Variants in ZNF282 observed in about 807,000 individuals in gnomAD.
ZNF282 encodes zinc finger protein 282, also known as HTLV-I U5 repressive element-binding protein 1.
ZNF282 carries 30 observed loss-of-function variants against 61.9 expected under a neutral mutation model. The ratio of observed to expected loss-of-function variants is 0.48; its 90% CI spans 0.36 to 0.66. ZNF282 has a LOEUF of 0.66. Ranked by LOEUF, ZNF282 falls within the 30% of genes least tolerant of loss-of-function variation. ZNF282 has a pLI of 0.00. For missense variants in ZNF282, 788 were observed against 941.4 expected (o/e 0.84, Z 2.13); for synonymous variants, 396 against 405.0 (o/e 0.98, Z 0.27).
chr7:149,218,611 T>C (rs554725860), intron 7 of ZNF282, among the ~76,000 whole-genome samples: 1 of 152,064 alleles, frequency 6.6e-6, no homozygotes, highest in Admixed American at 6.5e-5. Flanking sequence ...TTGCAGTGAC[T>C]TCCAACATCA....
chr7:149,205,861 C>G (rs181517159), intron 2 of ZNF282, among the ~76,000 whole-genome samples: 1 of 152,018 alleles, frequency 6.6e-6, no homozygotes, highest in East Asian at 1.9e-4. Context: ...GATTTCAGAC[C>G]GAGAGTGAAA....
chr7:149,198,327 A>C lies in ZNF282; in HGVS notation c.166-6A>C, dbSNP rs1177590619. The C allele has an allele frequency of 1.3e-6, 2 of 1,598,146 alleles. No homozygotes were observed. The highest frequency in any genetic ancestry group is 1.3e-5 in the African/African-American group (1 of 74,670). On this transcript the variant is annotated splice_region_variant and splice_polypyrimidine_tract_variant and intron_variant, in intron 1 of 7. Transcript: ENST00000610704. The surrounding 1 kb of genome is among the most constrained non-coding windows in gnomAD (Gnocchi z 4.3). ...CTGGGTTGTCGCTTTCTCCCTCTGC[A>C]TACAGGCTCAAGAATGGGACATGGA...
chr7:149,210,965 A>T (rs190845731), intron 5 of ZNF282, among the ~76,000 whole-genome samples: 5 of 152,326 alleles, frequency 3.3e-5, no homozygotes, highest in African/African-American at 1.2e-4. Flanking sequence ...ATCCGTTTGT[A>T]ACTATTCCAT....
intron 4 of ZNF282, among the ~76,000 whole-genome samples, chr7:149,209,363 TCTTTTACCACCCCCCGCCC>T (rs1213259307): frequency 6.6e-6 from 1 of 151,836 alleles, no homozygotes; most frequent in Non-Finnish European, 1.5e-5. Flanking sequence ...TTCCCTGCTC[TCTTTTACCACCCCCCGCCC>T]CTGGGAACCA....
At position 149,213,786 on chromosome 7, in the gene ZNF282, C is replaced by G. The variant is rs202186203; in HGVS notation, c.1152C>G (p.Asp384Glu). 6.2e-7 allele frequency: 1 copy of G among 1,613,866 alleles called. No individual in the cohort carries two copies. Among genetic ancestry groups the G allele is most frequent in the Non-Finnish European group, 8.5e-7 (1 of 1,179,892 alleles). The change falls in exon 7 of 8, where the codon GAC (aspartate) becomes GAG (glutamate). Residue 384 changes from aspartate to glutamate, a missense_variant. Coordinates refer to ENST00000610704, the MANE Select transcript of ZNF282 (RefSeq NM_003575.4). ...CATGGGGACCACGCGACTCAATGGA[C>G]GGAGAGCTTGGATTAGACTCTGGCC... ...PYPWGPRDSM[D>E]GELGLDSGPS...
chr7:149,201,775 C>T (rs1461263840), intron 2 of ZNF282, among the ~76,000 whole-genome samples: 1 of 152,034 alleles, frequency 6.6e-6, no homozygotes, highest in Non-Finnish European at 1.5e-5. Context: ...AAAACACCTC[C>T]CAAATGGCTT....
Position 149,224,360 on chromosome 7 carries a change from T to G in ZNF282, c.1729T>G (p.Ser577Ala). ...THRGERPYKC[S>A]ECEKTYSRKE... is the part of the protein sequence containing the mutation. ...CCGCGGCGAGCGGCCCTACAAGTGC[T>G]CGGAGTGCGAGAAGACCTACAGCCG... The change falls in exon 8 of 8, where the codon TCG (serine) becomes GCG (alanine). Residue 577 changes from serine to alanine, a missense_variant. Around this residue, in one of 3 missense-constraint regions of ZNF282, gnomAD observed 559 missense variants for 642.0 expected, o/e 0.87. Transcript: ENST00000610704. 1 of 1,613,098 alleles carries G rather than the reference T, an allele frequency of 6.2e-7. No homozygotes were observed. The highest frequency in any genetic ancestry group is 1.1e-5 in the South Asian group (1 of 91,048).
At chr7:149,197,394 C>T (rs549550890) in intron 1 of ZNF282, among the ~76,000 whole-genome samples, 35 of 152,358 alleles carry the variant, frequency 2.3e-4, no homozygotes, top group African/African-American at 7.2e-4. Flanking sequence ...TGGGGGGAAG[C>T]TGCTTTTCTG....
rs1156469271 is a variant in ZNF282, at chr7:149,224,977, G to T, written c.*330G>T. 11 of 343,666 alleles carry T rather than the reference G, an allele frequency of 3.2e-5. No homozygotes were observed. The highest frequency in any genetic ancestry group is 8.5e-4 in the Middle Eastern group (1 of 1,170). 21.3% of individuals were successfully genotyped at this position (343,666 alleles called of 1,614,324 possible). Reference sequence around the variant, plus strand: ...TCAGGGGAAGCCACCAGGGAGTCCCGAAGCCCTTCTGAGATCAGGAAATCA... The same window carrying T: ...TCAGGGGAAGCCACCAGGGAGTCCCTAAGCCCTTCTGAGATCAGGAAATCA... On this transcript the variant is annotated 3_prime_UTR_variant, in exon 8 of 8. Transcript: ENST00000610704.
intron 2 of ZNF282, among the ~76,000 whole-genome samples, chr7:149,202,220 C>T (rs890792983): frequency 8.7e-5 from 13 of 149,300 alleles, no homozygotes; most frequent in Non-Finnish European, 1.5e-4. Flanking sequence ...TCTCGGCTCA[C>T]TGCAACTTCT....
At chr7:149,196,033 C>G (rs2129522876) in intron 1 of ZNF282, among the ~76,000 whole-genome samples, 1 of 151,840 alleles carries the variant, frequency 6.6e-6, no homozygotes, top group East Asian at 1.9e-4. Flanking sequence ...GGGCCGGGAC[C>G]GTCCTTTCCG....
intron 7 of ZNF282, among the ~76,000 whole-genome samples, chr7:149,215,759 A>G (rs1462186152): frequency 2.0e-5 from 3 of 152,220 alleles, no homozygotes; most frequent in Non-Finnish European, 4.4e-5. Context: ...GAAGCCAGGA[A>G]ACTGGTGGTG....
At chr7:149,222,556 G>T (rs1796272565) in intron 7 of ZNF282, among the ~76,000 whole-genome samples, 1 of 152,222 alleles carries the variant, frequency 6.6e-6, no homozygotes, top group Non-Finnish European at 1.5e-5. Context: ...GGAGGCCAAG[G>T]TGGGAGGATT....
intron 2 of ZNF282, among the ~76,000 whole-genome samples, chr7:149,199,769 A>G (rs978420769): frequency 1.3e-5 from 2 of 152,106 alleles, no homozygotes; most frequent in African/African-American, 2.4e-5. Context: ...ACTCTTGGCC[A>G]GTCTTGTTTC....
In ZNF282 at chr7:149,223,869, A is replaced by G; in HGVS notation, c.1238A>G (p.Gln413Arg). 1 of 1,360,834 alleles carries G rather than the reference A, an allele frequency of 7.3e-7. No homozygotes were observed. Among genetic ancestry groups the G allele is most frequent in the Non-Finnish European group, 9.6e-7 (1 of 1,037,238 alleles). The allele number at this position is 1,360,834 out of a possible 1,614,324, so 84.3% of individuals were successfully genotyped here. A position where few individuals can be genotyped will look rare whatever the true frequency, so the allele number is the denominator to read the frequency against. The change falls in exon 8 of 8, where the codon CAG becomes CGG. Residue 413 changes from glutamine to arginine, a missense_variant. Physicochemically the swap from Gln to Arg is conservative, Grantham distance 43. Coordinates refer to ENST00000610704, the MANE Select transcript of ZNF282 (RefSeq NM_003575.4). ...CCGGCCCCGCCACAGCCCCAGCCCCAGCCCCAGCCACCGCAGCCGCAGCTG... is the reference window on the plus strand; with the variant it reads ...CCGGCCCCGCCACAGCCCCAGCCCCGGCCCCAGCCACCGCAGCCGCAGCTG... ...PPPAPPQPQP[Q>R]PQPPQPQLQS...
chr7:149,206,666 A>G, intron 2 of ZNF282, 30 bp from the exon 3 acceptor site: 2 of 1,613,226 alleles, frequency 1.2e-6, no homozygotes. Flanking sequence ...AACAGGCAGG[A>G]GGCGCTAGAT....
Position 149,198,917 on chromosome 7 carries a change from A to G in ZNF282, c.585+165A>G, listed in dbSNP as rs895804109. On this transcript the variant is annotated intron_variant, in intron 2 of 7. Coordinates refer to ENST00000610704, the MANE Select transcript of ZNF282 (RefSeq NM_003575.4). The surrounding 1 kb of genome is among the most constrained non-coding windows in gnomAD (Gnocchi z 4.3). ...CTCCACTGAAACAACCTGGTCTTGG[A>G]CGTTCTACCCCAGCAAGGCTCACTC... is the stretch of plus-strand genomic sequence containing the variant. Among the ~76,000 whole-genome samples, 1 of 152,148 alleles carries G rather than the reference A, an allele frequency of 6.6e-6. No homozygotes were observed. Among genetic ancestry groups the G allele is most frequent in the Non-Finnish European group, 1.5e-5 (1 of 68,024 alleles).
chr7:149,209,937 TATAAC>T (rs1297265801), intron 4 of ZNF282, among the ~76,000 whole-genome samples: 1 of 152,184 alleles, frequency 6.6e-6, no homozygotes, highest in African/African-American at 2.4e-5. Flanking sequence ...TCATCAATGT[TATAAC>T]TAAACATCAT....
chr7:149,220,772 G>T (rs949370836), intron 7 of ZNF282, among the ~76,000 whole-genome samples: 1 of 152,060 alleles, frequency 6.6e-6, no homozygotes, highest in Non-Finnish European at 1.5e-5. Flanking sequence ...TGACTGGAAA[G>T]GAAAAGCCCT....
Sources: gnomAD v4.1 joint callset for allele counts (sites outside exome capture counted in the v4.1 genomes callset) on GRCh38, gnomAD v4.1.1 for gene constraint, gnomAD v4.1.1 regional missense constraint, Gnocchi (gnomAD v3.1) non-coding constraint, MANE v1.5 for transcripts, NCBI Gene and HGNC (gene_info 2026-07-23, HGNC 2026-07-21) for gene names.